CEP63: variants seen among roughly 807,000 people sequenced by gnomAD.
CEP63 encodes centrosomal protein of 63 kDa.
CEP63 carries 84 observed loss-of-function variants against 89.1 expected under a neutral mutation model. The observed-to-expected ratio is 0.94, with a 90% CI of 0.79 to 1.13. CEP63 has a LOEUF of 1.13. Ranked by LOEUF, CEP63 falls within the 50% of genes most tolerant of loss-of-function variation. The pLI is 0.00. For synonymous variants in CEP63, 267 were observed against 272.5 expected, an observed-to-expected ratio of 0.98 and a Z score of 0.20; for missense variants, 838 against 813.3, an observed-to-expected ratio of 1.03 and a Z score of -0.37.
intron 12 of CEP63, among the ~76,000 whole-genome samples, chr3:134,554,066 C>A (rs112658145): frequency 0.016 from 2,465 of 152,206 alleles, 56 homozygotes; most frequent in African/African-American, 0.055. Flanking sequence ...TATTTTTGTT[C>A]TATTTTATTT....
At chr3:134,595,891 A>G in the CEP63 span, among the ~76,000 whole-genome samples, 1 of 152,164 alleles carries the variant, frequency 6.6e-6, no homozygotes, top group Non-Finnish European at 1.5e-5. Flanking sequence ...ACTTTCCAAT[A>G]TATCAACGGT....
At chr3:134,582,254 T>G (rs1958375965) in intron 10 of CEP63, among the ~76,000 whole-genome samples, 2 of 152,132 alleles carry the variant, frequency 1.3e-5, no homozygotes, top group African/African-American at 4.8e-5. Context: ...TAGGTATACA[T>G]GTGCCATGTT....
chr3:134,614,320 G>C, the CEP63 span, among the ~76,000 whole-genome samples: 2 of 152,010 alleles, frequency 1.3e-5, no homozygotes, highest in South Asian at 2.1e-4. Context: ...CAGAATCTTC[G>C]CTTCTACTTT....
chr3:134,771,400 T>C, the CEP63 span, among the ~76,000 whole-genome samples: 1 of 152,140 alleles, frequency 6.6e-6, no homozygotes, highest in African/African-American at 2.4e-5. Context: ...TAAGTGGCAG[T>C]TGAACAATGA....
chr3:134,574,945 C>A (rs1958162508), exon 12 of CEP63: 2 of 485,048 alleles, frequency 4.1e-6, no homozygotes, highest in Non-Finnish European at 7.4e-6. Context: ...AAACAAGAAT[C>A]TCAATTAGAG....
At chr3:134,585,806 A>G (rs1402318458) in intron 10 of CEP63, among the ~76,000 whole-genome samples, 1 of 150,572 alleles carries the variant, frequency 6.6e-6, no homozygotes, top group Admixed American at 6.6e-5. Context: ...AAAGTCTCCC[A>G]TTATTATTGT....
the CEP63 span, among the ~76,000 whole-genome samples, chr3:134,672,352 T>C: frequency 3.9e-5 from 6 of 152,234 alleles, no homozygotes; most frequent in African/African-American, 1.4e-4. Context: ...TAACTGGTTA[T>C]TGTGACCATT....
chr3:134,504,315 A>G (rs1171223636), intron 2 of CEP63, among the ~76,000 whole-genome samples: 3 of 152,102 alleles, frequency 2.0e-5, no homozygotes, highest in Non-Finnish European at 4.4e-5. Context: ...TGTCTGGGAA[A>G]AACTTTATTT....
chr3:134,748,841 G>A, the CEP63 span, among the ~76,000 whole-genome samples: 1 of 152,190 alleles, frequency 6.6e-6, no homozygotes, highest in Non-Finnish European at 1.5e-5. Flanking sequence ...AGTAGGACAC[G>A]GATGCAGGCT....
the CEP63 span, chr3:134,629,492 T>A: frequency 1.5e-6 from 1 of 671,710 alleles, no homozygotes; most frequent in Non-Finnish European, 2.7e-6. Flanking sequence ...CTTCTGCCTT[T>A]TCCCAGTTTG....
the CEP63 span, among the ~76,000 whole-genome samples, chr3:134,640,205 C>T: frequency 7.1e-6 from 1 of 141,718 alleles, no homozygotes; most frequent in African/African-American, 2.5e-5. Context: ...TCAGACTGCA[C>T]ATTGAGGGTG....
exon 12 of CEP63, chr3:134,574,885 A>G: frequency 1.9e-6 from 1 of 526,216 alleles, no homozygotes; most frequent in Non-Finnish European, 3.4e-6. Context: ...TGGAATTACA[A>G]GTGTGAGCTA....
At chr3:134,583,731 C>T (rs1445474009) in intron 10 of CEP63, among the ~76,000 whole-genome samples, 3 of 152,100 alleles carry the variant, frequency 2.0e-5, no homozygotes, top group Non-Finnish European at 4.4e-5. Flanking sequence ...TCATTGGTAG[C>T]TTGATGGGGA....
chr3:134,562,281 A>G lies in CEP63; in HGVS notation c.*746A>G. 1 of 940,872 alleles carries G rather than the reference A, an allele frequency of 1.1e-6. No individual in the cohort carries two copies. The highest frequency in any genetic ancestry group is 1.8e-5 in the African/African-American group (1 of 56,448). 58.3% of individuals were successfully genotyped at this position (940,872 alleles called of 1,614,324 possible). On this transcript the variant is annotated 3_prime_UTR_variant, in exon 15 of 15. Transcript: ENST00000675561. ...TGCCGCAGGCATTTGAAACGATGGG[A>G]GTTGATAAGATCCACCAGGGAGGCT...
chr3:134,762,409 C>T, the CEP63 span, among the ~76,000 whole-genome samples: 4 of 152,098 alleles, frequency 2.6e-5, no homozygotes, highest in Admixed American at 2.0e-4. Context: ...GGCTGGGGGA[C>T]ATTATGGGTT....
intron 2 of CEP63, among the ~76,000 whole-genome samples, chr3:134,496,840 G>A (rs541433294): frequency 6.6e-6 from 1 of 152,194 alleles, no homozygotes; most frequent in South Asian, 2.1e-4. Flanking sequence ...TAGTTTTTTA[G>A]AAAACTCCAT....
At chr3:134,754,247 C>G in the CEP63 span, among the ~76,000 whole-genome samples, 1 of 152,218 alleles carries the variant, frequency 6.6e-6, no homozygotes, top group East Asian at 1.9e-4. Flanking sequence ...CCTTGTCCTC[C>G]AATGCCCTGA....
At chr3:134,635,814 T>C in the CEP63 span, among the ~76,000 whole-genome samples, 6 of 152,298 alleles carry the variant, frequency 3.9e-5, 1 homozygote, top group African/African-American at 1.4e-4. Context: ...ACTTGGATGA[T>C]ACAGAACGAT....
At chr3:134,584,802 T>A (rs1343182264) in intron 10 of CEP63, among the ~76,000 whole-genome samples, 1 of 152,150 alleles carries the variant, frequency 6.6e-6, no homozygotes, top group Non-Finnish European at 1.5e-5. Flanking sequence ...TGAATCCATC[T>A]GGTCCTGGAC....
Sources: gnomAD v4.1 joint callset for allele counts (sites outside exome capture counted in the v4.1 genomes callset) on GRCh38, gnomAD v4.1.1 for gene constraint, MANE v1.5 for transcripts, NCBI Gene and HGNC (gene_info 2026-07-23, HGNC 2026-07-21) for gene names.